Variants in BRINP3 observed in about 807,000 individuals in gnomAD.
BRINP3 encodes BMP/retinoic acid inducible neural specific 3.
In BRINP3, 19 loss-of-function variants were observed where a neutral mutation model predicts 71.0. That is an observed-to-expected ratio of 0.27 (90% CI 0.19 to 0.39). BRINP3 has a LOEUF of 0.39. Among genes scored for constraint, BRINP3 ranks in the 10% least tolerant of loss-of-function variants. The probability of loss-of-function intolerance (pLI) is 1.00; values close to 1 mark genes in which losing one functional copy is unlikely to be tolerated. For synonymous variants in BRINP3, 380 were observed against 337.7 expected, an observed-to-expected ratio of 1.13 and a Z score of -1.37; for missense variants, 959 against 940.8, an observed-to-expected ratio of 1.02 and a Z score of -0.25.
At chr1:190,167,445 G>A (rs907375104) in intron 6 of BRINP3, among the ~76,000 whole-genome samples, 1 of 152,074 alleles carries the variant, frequency 6.6e-6, no homozygotes, top group Non-Finnish European at 1.5e-5. Flanking sequence ...TGAAGAGCAT[G>A]AAAAATTCAA....
chr1:190,312,075 A>ATATATATG (rs1328430258), intron 2 of BRINP3, among the ~76,000 whole-genome samples: 31 of 136,530 alleles, frequency 2.3e-4, no homozygotes, highest in African/African-American at 7.1e-4. Context: ...ATATATATAT[A>ATATATATG]TGTATTTCTA....
intron 2 of BRINP3, among the ~76,000 whole-genome samples, chr1:190,411,093 T>C (rs966492806): frequency 1.3e-5 from 2 of 152,006 alleles, no homozygotes. Flanking sequence ...ATTTTATTGG[T>C]TTAAGGATAG....
intron 2 of BRINP3, among the ~76,000 whole-genome samples, chr1:190,377,625 C>T (rs1670265810): frequency 6.7e-6 from 1 of 149,488 alleles, no homozygotes; most frequent in Non-Finnish European, 1.5e-5. Context: ...TGAAAGAACA[C>T]ACACACACAC....
chr1:190,204,412 A>G (rs2102625423), intron 6 of BRINP3, among the ~76,000 whole-genome samples: 2 of 150,846 alleles, frequency 1.3e-5, no homozygotes, highest in African/African-American at 4.9e-5. Flanking sequence ...AAGACTATAG[A>G]AATAAATTGA....
At position 190,438,628 on chromosome 1, in the gene BRINP3, C is replaced by T. The variant is rs377746014; in HGVS notation, c.236+16027G>A. Among the ~76,000 whole-genome samples the T allele has an allele frequency of 9.4e-4, 142 of 151,866 alleles. 3 individuals carry two copies. The South Asian group carries it at 0.029, about 31-fold the overall frequency. On this transcript the variant is annotated intron_variant, in intron 2 of 7. Coordinates refer to ENST00000367462, the MANE Select transcript of BRINP3 (RefSeq NM_199051.3). ...ACTGGATAATTTTCACAAAGGTTCC[C>T]CCTTTAGAAAATTTTGATATACACT...
chr1:190,443,491 C>A (rs751715683), intron 2 of BRINP3, among the ~76,000 whole-genome samples: 1 of 151,774 alleles, frequency 6.6e-6, no homozygotes, highest in Non-Finnish European at 1.5e-5. Flanking sequence ...ATAAAACATT[C>A]TCTTTCCCTA....
intron 2 of BRINP3, among the ~76,000 whole-genome samples, chr1:190,282,780 A>G (rs1200110091): frequency 2.0e-5 from 3 of 152,028 alleles, no homozygotes; most frequent in Admixed American, 2.0e-4. Flanking sequence ...ATAAAGACAG[A>G]AAATTAAATT....
In BRINP3 at chr1:190,166,868, C is replaced by T. The variant is rs537373635; in HGVS notation, c.962-5978G>A. Among the ~76,000 whole-genome samples, 18 of 152,046 alleles carry T rather than the reference C, an allele frequency of 1.2e-4. No individual in the cohort carries two copies. In the East Asian group the frequency reaches 1.7e-3, roughly 15 times the overall value. On this transcript the variant is annotated intron_variant, in intron 6 of 7. Coordinates refer to ENST00000367462, the MANE Select transcript of BRINP3 (RefSeq NM_199051.3). ...CCTCCCAAGTAGCTGGGATTACAGG[C>T]GCATACCACTACTTCCGGCTAGTTT...
At chr1:190,456,524 T>C (rs1389696332) in intron 1 of BRINP3, among the ~76,000 whole-genome samples, 1 of 152,066 alleles carries the variant, frequency 6.6e-6, no homozygotes, top group East Asian at 1.9e-4. Flanking sequence ...TGTACCATTG[T>C]CAAATGATTC....
chr1:190,302,404 C>T (rs540538987), intron 2 of BRINP3, among the ~76,000 whole-genome samples: 1 of 151,084 alleles, frequency 6.6e-6, no homozygotes, highest in South Asian at 2.1e-4. Flanking sequence ...AACCCAGTTA[C>T]AACTAAAATA....
intron 7 of BRINP3, among the ~76,000 whole-genome samples, chr1:190,118,620 C>T (rs1653350349): frequency 6.6e-6 from 1 of 152,094 alleles, no homozygotes; most frequent in Admixed American, 6.5e-5. Context: ...TTAACATGAA[C>T]ATTGAAATGG....
chr1:190,102,554 A>G (rs1651791795), intron 7 of BRINP3, among the ~76,000 whole-genome samples: 1 of 152,106 alleles, frequency 6.6e-6, no homozygotes, highest in Non-Finnish European at 1.5e-5. Context: ...AGGTGGCAAT[A>G]TCCCTGACAT....
In BRINP3 at chr1:190,351,559, G is replaced by C. The variant is rs138538400; in HGVS notation, c.237-69809C>G. ...TACTAACATATCCCACTACAGGGCA[G>C]AGAAAATTTGAATTTATAAGAAAAA... On this transcript the variant is annotated intron_variant, in intron 2 of 7. Transcript: ENST00000367462. Among the ~76,000 whole-genome samples the C allele has an allele frequency of 5.4e-3, 815 of 152,150 alleles. 4 individuals carry two copies. Among genetic ancestry groups the C allele is most frequent in the Middle Eastern group, 0.014 (4 of 294 alleles).
chr1:190,264,841 A>C (rs1661512372), intron 4 of BRINP3, 24 bp downstream of exon 4: 5 of 1,601,286 alleles, frequency 3.1e-6, no homozygotes, highest in Non-Finnish European at 4.3e-6. Context: ...GAAGGTGATA[A>C]TTTTAGCGTA....
At chr1:190,466,059 T>C (rs1782558) in intron 1 of BRINP3, among the ~76,000 whole-genome samples, 91,712 of 151,432 alleles carry the variant, frequency 0.61, 28,375 homozygotes, top group Non-Finnish European at 0.67. Context: ...AATTTTGTCA[T>C]GTAAGTGTCA....
At chr1:190,473,005 C>T (rs560523320) in intron 1 of BRINP3, among the ~76,000 whole-genome samples, 3 of 151,784 alleles carry the variant, frequency 2.0e-5, no homozygotes, top group South Asian at 2.1e-4. Flanking sequence ...GATGAAATCA[C>T]GTAATATTAT....
chr1:190,291,599 A>G (rs860091), intron 2 of BRINP3, among the ~76,000 whole-genome samples: 58,378 of 151,986 alleles, frequency 0.38, 12,604 homozygotes, highest in Non-Finnish European at 0.49. Context: ...TGAAACCACA[A>G]TGAGATATCA....
At chr1:190,207,251 C>T (rs1027335471) in intron 6 of BRINP3, among the ~76,000 whole-genome samples, 1 of 152,152 alleles carries the variant, frequency 6.6e-6, no homozygotes, top group East Asian at 1.9e-4. Context: ...CTTCATGCTT[C>T]AATAGTGTTT....
In BRINP3 at chr1:190,416,372, C is replaced by T. The variant is rs191185519; in HGVS notation, c.236+38283G>A. Among the ~76,000 whole-genome samples, 425 of 152,178 alleles carry T rather than the reference C, an allele frequency of 2.8e-3. 2 individuals are homozygous for T. The highest frequency in any genetic ancestry group is 3.9e-3 in the Admixed American group (59 of 15,270). ...ATGGTAATAGTGCTTATATGACCCC[C>T]TTGCCACCACTTGCCCAAGAGCCCC... On this transcript the variant is annotated intron_variant, in intron 2 of 7. Transcript: ENST00000367462.
Sources: allele counts gnomAD v4.1 joint callset (sites outside exome capture counted in the v4.1 genomes callset), GRCh38; gene constraint gnomAD v4.1.1; transcripts MANE v1.5; gene names NCBI Gene and HGNC (gene_info 2026-07-23, HGNC 2026-07-21).